RAD51C: variants seen among roughly 807,000 people sequenced by gnomAD.
The protein encoded by RAD51C is RAD51 paralog C, also known as DNA repair protein RAD51 homolog 3.
In RAD51C, 42 loss-of-function variants were observed where a neutral mutation model predicts 45.0. The ratio of observed to expected loss-of-function variants is 0.93; its 90% CI spans 0.73 to 1.21. RAD51C has a LOEUF of 1.21. Among genes scored for constraint, RAD51C ranks in the 50% most tolerant of loss-of-function variants. The probability of loss-of-function intolerance (pLI) is 0.00; values close to 1 mark genes in which losing one functional copy is unlikely to be tolerated. For synonymous variants in RAD51C, 172 were observed against 159.8 expected, an observed-to-expected ratio of 1.08 and a Z score of -0.58; for missense variants, 474 against 452.2, an observed-to-expected ratio of 1.05 and a Z score of -0.44.
intron 1 of RAD51C, chr17:58,694,594 G>A: frequency 2.9e-6 from 1 of 347,484 alleles, no homozygotes; most frequent in Non-Finnish European, 5.6e-6. Context: ...TCCTGCCTCA[G>A]CCTCCCAAGT....
chr17:58,732,384 T>C, intron 7 of RAD51C, 100 bp from the exon 8 acceptor site: 1 of 939,126 alleles, frequency 1.1e-6, no homozygotes, highest in South Asian at 1.5e-5. Context: ...GAATTATTAA[T>C]ATAATAAACC....
In RAD51C at chr17:58,707,522, A is replaced by G. The variant is rs547786200; in HGVS notation, c.706-2337A>G. 4.0e-3 allele frequency among the ~76,000 whole-genome samples: 561 copies of G among 141,856 alleles called. 2 individuals carry two copies. The highest frequency in any genetic ancestry group is 5.9e-3 in the Non-Finnish European group (381 of 65,074). 93.1% of individuals were successfully genotyped at this position (141,856 alleles called of 152,430 possible). ...GGGCAACAGAGCGAGACTCCATCTG[A>G]AAAAAAAAAAAAGCCTCACCAGAAT... On this transcript the variant is annotated intron_variant, in intron 4 of 8. Coordinates refer to ENST00000337432, the MANE Select transcript of RAD51C (RefSeq NM_058216.3).
chr17:58,702,725 C>CAGTG (rs1337372773), intron 3 of RAD51C, among the ~76,000 whole-genome samples: 1 of 150,600 alleles, frequency 6.6e-6, no homozygotes, highest in Non-Finnish European at 1.5e-5. Context: ...TGGCTGGGCA[C>CAGTG]AGTGGTTTAT....
intron 7 of RAD51C, among the ~76,000 whole-genome samples, chr17:58,726,563 TATGTATATATGTGTATACATATAG>T (rs2049149253): frequency 7.9e-6 from 1 of 126,510 alleles, no homozygotes; most frequent in African/African-American, 2.7e-5. Context: ...TGTATATACA[TATGTATATATGTGTATACATATAG>T]ATGTATATAT....
chr17:58,734,575 A>C lies in RAD51C; in HGVS notation c.*353A>C. On this transcript the variant is annotated 3_prime_UTR_variant, in exon 9 of 9. Coordinates refer to ENST00000337432, the MANE Select transcript of RAD51C (RefSeq NM_058216.3). ...ATAAAATCTTAGGAAGAAACATATC[A>C]TATTCTTATTGTGTTTTTTTTTTTT... 1 of 252,512 alleles carries C rather than the reference A, an allele frequency of 4.0e-6. No individual in the cohort carries two copies. Among genetic ancestry groups the C allele is most frequent in the Non-Finnish European group, 7.5e-6 (1 of 134,060 alleles). The allele number at this position is 252,512 out of a possible 1,614,324, so 15.6% of individuals were successfully genotyped here.
chr17:58,692,758 C>G lies in RAD51C; in HGVS notation c.115C>G (p.Leu39Val), dbSNP rs759149207. The change falls in exon 1 of 9, where the codon CTA becomes GTA. Residue 39 changes from leucine to valine, a missense_variant. Transcript: ENST00000337432. ...GGGGTTCCAGACTGCTGAGGAACTC[C>G]TAGAGGTGAAACCCTCCGAGCTTAG... ...SAGFQTAEEL[L>V]EVKPSELSKE... 1.2e-6 allele frequency: 2 copies of G among 1,614,086 alleles called. No individual in the cohort carries two copies. The highest frequency in any genetic ancestry group is 1.7e-6 in the Non-Finnish European group (2 of 1,180,018).
At chr17:58,700,008 C>T (rs1284609694) in intron 3 of RAD51C, 2 of 152,146 alleles carry the variant, frequency 1.3e-5, no homozygotes, top group African/African-American at 4.8e-5. Context: ...AGGCACGTGC[C>T]ACCATACCTG....
chr17:58,700,416 G>A (rs774410778), intron 3 of RAD51C, among the ~76,000 whole-genome samples: 1 of 151,988 alleles, frequency 6.6e-6, no homozygotes, highest in African/African-American at 2.4e-5. Flanking sequence ...GTAGCACTAG[G>A]ATATAAAGTT....
At chr17:58,732,809 A>C (rs938671095) in intron 8 of RAD51C, 33 of 388,230 alleles carry the variant, frequency 8.5e-5, no homozygotes. Context: ...AGGATATTAA[A>C]AATCTTTAAA....
chr17:58,725,308 C>T (rs931780220), intron 7 of RAD51C, among the ~76,000 whole-genome samples: 3 of 152,088 alleles, frequency 2.0e-5, no homozygotes, highest in Non-Finnish European at 2.9e-5. Flanking sequence ...GAGTTATTTT[C>T]TCGGCACCAA....
At chr17:58,703,446 C>T in intron 4 of RAD51C, 117 bp downstream of exon 4, 1 of 1,099,056 alleles carries the variant, frequency 9.1e-7, no homozygotes, top group Non-Finnish European at 1.3e-6. Flanking sequence ...TTGAGAAAAT[C>T]TCTTCCTTCC....
rs1598540765 is a variant in RAD51C, at chr17:58,734,302, T to C, written c.*80T>C. 3 of 1,555,004 alleles carry C rather than the reference T, an allele frequency of 1.9e-6. No individual in the cohort carries two copies. In the East Asian group the frequency reaches 7.2e-5, roughly 37 times the overall value. Reference sequence around the variant, plus strand: ...TACAAGTGGACTTGTTACCTTAAAGTATAAATAAACACACTATGGCATGAA... The same window carrying C: ...TACAAGTGGACTTGTTACCTTAAAGCATAAATAAACACACTATGGCATGAA... On this transcript the variant is annotated 3_prime_UTR_variant, in exon 9 of 9. Transcript: ENST00000337432.
intron 7 of RAD51C, among the ~76,000 whole-genome samples, chr17:58,731,995 A>T (rs2049445875): frequency 6.6e-6 from 1 of 152,218 alleles, no homozygotes; most frequent in African/African-American, 2.4e-5. Context: ...CAATAATTAA[A>T]AAAACATGAT....
At chr17:58,732,234 G>T in intron 7 of RAD51C, 1 of 388,188 alleles carries the variant, frequency 2.6e-6, no homozygotes, top group Non-Finnish European at 4.7e-6. Flanking sequence ...CTCATCATAT[G>T]TAAAATAATT....
rs1443654986 is a variant in RAD51C, at chr17:58,692,664, C to G, written c.21C>G (p.Arg7=). The stretch of plus-strand genomic sequence containing the variant: ...CTGCGATGCGCGGGAAGACGTTCCG[C>G]TTTGAAATGCAGCGGGATTTGGTGA... MRGKTF[R]FEMQRDLVSF... is the part of the protein sequence containing the mutation. The change falls in exon 1 of 9, where the codon CGC becomes CGG. Residue 7 remains arginine (R), a synonymous_variant. Coordinates refer to ENST00000337432, the MANE Select transcript of RAD51C (RefSeq NM_058216.3). The G allele has an allele frequency of 6.2e-7, 1 of 1,614,096 alleles. No individual in the cohort carries two copies.
intron 5 of RAD51C, among the ~76,000 whole-genome samples, chr17:58,712,746 G>GGAGGCGGAGCTTGCAGT (rs1211659988): frequency 6.6e-6 from 1 of 152,006 alleles, no homozygotes; most frequent in Non-Finnish European, 1.5e-5. Flanking sequence ...CATGAACCCG[G>GGAGGCGGAGCTTGCAGT]GAGGCGGAGC....
At chr17:58,695,444 T>G in intron 2 of RAD51C, 5 of 951,508 alleles carry the variant, frequency 5.3e-6, no homozygotes, top group Non-Finnish European at 6.9e-6. Context: ...AACAGGAAGT[T>G]TCTGCGTTAT....
At chr17:58,705,154 A>G (rs967669326) in intron 4 of RAD51C, among the ~76,000 whole-genome samples, 5 of 151,970 alleles carry the variant, frequency 3.3e-5, no homozygotes, top group African/African-American at 1.2e-4. Context: ...AAATTAAATA[A>G]ATAAATACAA....
At chr17:58,713,338 T>G (rs1470741221) in intron 5 of RAD51C, among the ~76,000 whole-genome samples, 2 of 152,040 alleles carry the variant, frequency 1.3e-5, no homozygotes, top group African/African-American at 4.8e-5. Context: ...TTTGTATTTG[T>G]TTTTGGGTTT....
Sources: allele counts gnomAD v4.1 joint callset (sites outside exome capture counted in the v4.1 genomes callset), GRCh38; gene constraint gnomAD v4.1.1; transcripts MANE v1.5; gene names NCBI Gene and HGNC (gene_info 2026-07-23, HGNC 2026-07-21).